The following GP9 variants were observed in gnomAD, a reference collection of about 807,000 sequenced individuals.
GP9 encodes the protein glycoprotein IX platelet.
For synonymous variants in GP9, 116 were observed against 116.7 expected (o/e 0.99, Z 0.04); for missense variants, 228 against 241.8 (o/e 0.94, Z 0.38).
At position 129,061,839 on chromosome 3, in the gene GP9, C is replaced by A. The variant is rs1373038367; in HGVS notation, c.100C>A (p.Leu34Met). The change falls in exon 3 of 3, where the codon CTG becomes ATG. Residue 34 changes from leucine (L) to methionine (M), a missense_variant. By Grantham distance (15) the Leu-to-Met change is conservative. Transcript: ENST00000307395. ...CTGCCGCGCCCTGGAAACCATGGGG[C>A]TGTGGGTGGACTGCAGGGGCCACGG... ...CTCRALETMGLWVDCRGHGLT... is the reference protein window; with the variant it reads ...CTCRALETMGMWVDCRGHGLT... 1 of 1,612,448 alleles carries A rather than the reference C, an allele frequency of 6.2e-7. No individual in the cohort carries two copies. Among genetic ancestry groups the A allele is most frequent in the African/African-American group, 1.3e-5 (1 of 74,920 alleles).
rs763955567 is a variant in GP9 at position 129,062,166 on chromosome 3, T to C, written c.427T>C (p.Trp143Arg). The change falls in exon 3 of 3, where the codon TGG becomes CGG. Residue 143 changes from tryptophan to arginine, a missense_variant. Physicochemically the swap from Trp to Arg is moderately radical, Grantham distance 101. Transcript: ENST00000307395. ...CTGTGGCTGGCAGCTGCAGGCGTCCTGGGTGCGCCCGGGGGTCTTGTGGGA... is the reference window on the plus strand; with the variant it reads ...CTGTGGCTGGCAGCTGCAGGCGTCCCGGGTGCGCCCGGGGGTCTTGTGGGA... ...GSCGWQLQAS[W>R]VRPGVLWDVA... The C allele has an allele frequency of 6.3e-7, 1 of 1,579,990 alleles. No individual in the cohort carries two copies. Among genetic ancestry groups the C allele is most frequent in the Non-Finnish European group, 8.6e-7 (1 of 1,167,050 alleles).
At chr3:129,054,890 C>A in the GP9 span, among the ~76,000 whole-genome samples, 2 of 152,206 alleles carry the variant, frequency 1.3e-5, no homozygotes, top group African/African-American at 4.8e-5. Context: ...TATTGCTTAT[C>A]TCAAGGCCAG....
chr3:129,057,666 C>A (rs1946533114), upstream of GP9, among the ~76,000 whole-genome samples: 2 of 152,048 alleles, frequency 1.3e-5, no homozygotes, highest in South Asian at 4.2e-4. Context: ...TGAATAGATC[C>A]TGGTGACTGA....
intron 1 of GP9, among the ~76,000 whole-genome samples, chr3:129,061,083 C>T (rs923927236): frequency 6.6e-6 from 1 of 152,200 alleles, no homozygotes; most frequent in Non-Finnish European, 1.5e-5. Context: ...AAACAGAGGG[C>T]CACGGTTGCC....
In GP9 at chr3:129,061,993, AC is replaced by A; in HGVS notation, c.258del (p.Trp87GlyfsTer41). ...PQLQTLDVTQNPWHCDCSLTY... is the reference protein window; with the variant it reads ...PQLQTLDVTQXPWHCDCSLTY... ...CTGCAGACCCTCGATGTGACGCAGA[AC>A]CCCTGGCACTGTGACTGCAGCCTCA... On this transcript the variant is annotated frameshift_variant, in exon 3 of 3. Coordinates refer to ENST00000307395, the MANE Select transcript of GP9 (RefSeq NM_000174.5). LOFTEE classifies it low-confidence loss of function (END_TRUNC). 1 of 1,613,692 alleles carries A rather than the reference AC, an allele frequency of 6.2e-7. No homozygotes were observed. Among genetic ancestry groups the A allele is most frequent in the South Asian group, 1.1e-5 (1 of 91,076 alleles).
upstream of GP9, among the ~76,000 whole-genome samples, chr3:129,057,719 A>C (rs1438611487): frequency 6.6e-6 from 1 of 151,826 alleles, no homozygotes; most frequent in African/African-American, 2.4e-5. Context: ...AGTAGAAGTG[A>C]CTCTTCAGAG....
At chr3:129,058,730 G>A (rs1490870389), upstream of GP9, among the ~76,000 whole-genome samples, 1 of 152,264 alleles carries the variant, frequency 6.6e-6, no homozygotes, top group Non-Finnish European at 1.5e-5. Context: ...GTTGCCAAAA[G>A]CCCACACACT....
upstream of GP9, among the ~76,000 whole-genome samples, chr3:129,055,937 G>A (rs549367444): frequency 7.5e-4 from 114 of 152,148 alleles, no homozygotes; most frequent in African/African-American, 2.6e-3. Flanking sequence ...GAGCCATCAC[G>A]CCTGGCTGTC....
upstream of GP9, among the ~76,000 whole-genome samples, chr3:129,058,954 G>A (rs1185702254): frequency 6.6e-6 from 1 of 152,246 alleles, no homozygotes; most frequent in African/African-American, 2.4e-5. Flanking sequence ...TGGCAGGGCT[G>A]CATTCCTCTC....
upstream of GP9, among the ~76,000 whole-genome samples, chr3:129,057,539 G>T (rs1449030928): frequency 6.6e-6 from 1 of 152,178 alleles, no homozygotes; most frequent in Non-Finnish European, 1.5e-5. Context: ...CCAAGCTACA[G>T]GGGGGCCTGT....
At chr3:129,055,270 C>T in the GP9 span, among the ~76,000 whole-genome samples, 4 of 152,170 alleles carry the variant, frequency 2.6e-5, no homozygotes, top group Non-Finnish European at 5.9e-5. Context: ...TTTTAGTTTA[C>T]ACTTAATATT....
At chr3:129,056,695 G>A (rs922953966), upstream of GP9, among the ~76,000 whole-genome samples, 1 of 152,198 alleles carries the variant, frequency 6.6e-6, no homozygotes, top group African/African-American at 2.4e-5. Flanking sequence ...AAACGGCTGG[G>A]TGAGTGCGTC....
upstream of GP9, among the ~76,000 whole-genome samples, chr3:129,059,034 T>C (rs6765651): frequency 0.84 from 127,496 of 152,246 alleles, 55,898 homozygotes; most frequent in Non-Finnish European, 0.97. Context: ...TGCATTATCC[T>C]GTGCCTCTTG....
chr3:129,062,084 C>T lies in GP9; in HGVS notation c.345C>T (p.Ser115=), dbSNP rs1261562457. 4.0e-5 allele frequency: 64 copies of T among 1,608,928 alleles called. No homozygotes were observed. Among genetic ancestry groups the T allele is most frequent in the Non-Finnish European group, 5.3e-5 (63 of 1,178,360 alleles). ...CCCTGCTGCAGGTCCGCTGTGCCAG[C>T]CCCAGCCTCGCTGCCCATGGCCCGC... is the stretch of plus-strand genomic sequence containing the variant. ...PEALLQVRCA[S]PSLAAHGPLG... is the part of the protein sequence containing the mutation. The change falls in exon 3 of 3, where the codon AGC becomes AGT. Residue 115 remains serine, a synonymous_variant. Transcript: ENST00000307395.
At chr3:129,060,215 T>C (rs1453607636), upstream of GP9, among the ~76,000 whole-genome samples, 1 of 152,230 alleles carries the variant, frequency 6.6e-6, no homozygotes, top group African/African-American at 2.4e-5. Context: ...AGATTCACAC[T>C]TGGTAGAGGC....
At chr3:129,055,632 T>TTTTC in the GP9 span, among the ~76,000 whole-genome samples, 2 of 150,624 alleles carry the variant, frequency 1.3e-5, no homozygotes, top group Non-Finnish European at 2.9e-5. Flanking sequence ...GCCCCCTTTC[T>TTTTC]TTTCTTTCTT....
chr3:129,060,628 G>C (rs947450469), upstream of GP9: 1 of 152,382 alleles, frequency 6.6e-6, no homozygotes, highest in African/African-American at 2.4e-5. Context: ...TATAAACCGG[G>C]GTTGAGATGT....
intron 2 of GP9, 37 bp downstream of exon 2, chr3:129,061,656 T>A: frequency 8.6e-7 from 1 of 1,162,904 alleles, no homozygotes; most frequent in Non-Finnish European, 1.3e-6. Flanking sequence ...CTCCGCTACA[T>A]CCCCAGTGCT....
upstream of GP9, among the ~76,000 whole-genome samples, chr3:129,060,499 G>A (rs986635048): frequency 2.0e-5 from 3 of 152,248 alleles, no homozygotes; most frequent in African/African-American, 4.8e-5. Context: ...GCAGAGCCAC[G>A]TTTCTCAGGG....
Sources: allele counts gnomAD v4.1 joint callset (sites outside exome capture counted in the v4.1 genomes callset), GRCh38; gene constraint gnomAD v4.1.1; transcripts MANE v1.5; gene names NCBI Gene and HGNC (gene_info 2026-07-23, HGNC 2026-07-21).